XKR9: variants seen among roughly 807,000 people sequenced by gnomAD.
XKR9 encodes XK-related protein 9.
XKR9 carries 32 observed loss-of-function variants against 32.0 expected under a neutral mutation model. That is an observed-to-expected ratio of 1.00 (90% CI 0.76 to 1.34). The LOEUF is 1.34. XKR9 is among the 40% of genes most tolerant of loss of function. XKR9 has a pLI of 0.00. For synonymous variants in XKR9, 168 were observed against 143.4 expected (o/e 1.17, Z -1.22); for missense variants, 546 against 429.7 (o/e 1.27, Z -2.39).
the XKR9 span, among the ~76,000 whole-genome samples, chr8:71,004,998 C>CTT: frequency 2.2e-3 from 105 of 48,218 alleles, 18 homozygotes; most frequent in African/African-American, 6.0e-3. Context: ...TTAATCTATG[C>CTT]TTTTTTTTTT....
the XKR9 span, among the ~76,000 whole-genome samples, chr8:70,812,210 A>G: frequency 1.3e-5 from 2 of 152,224 alleles, no homozygotes; most frequent in Non-Finnish European, 2.9e-5. Context: ...ATCTCAATAG[A>G]TGCAGAAAAG....
chr8:70,894,423 G>A, the XKR9 span, among the ~76,000 whole-genome samples: 1 of 152,066 alleles, frequency 6.6e-6, no homozygotes, highest in Non-Finnish European at 1.5e-5. Flanking sequence ...ACGCCTGTAG[G>A]GTGAGGTGTC....
At chr8:70,857,839 A>T in the XKR9 span, among the ~76,000 whole-genome samples, 1 of 152,228 alleles carries the variant, frequency 6.6e-6, no homozygotes, top group Non-Finnish European at 1.5e-5. Context: ...GTAATCCAGC[A>T]TATAAACAGA....
At chr8:71,048,623 T>C in the XKR9 span, among the ~76,000 whole-genome samples, 4 of 152,260 alleles carry the variant, frequency 2.6e-5, no homozygotes, top group Admixed American at 2.6e-4. Context: ...TGAATTTGTA[T>C]ATGGTTCTGG....
the XKR9 span, among the ~76,000 whole-genome samples, chr8:70,862,907 C>T: frequency 6.6e-6 from 1 of 152,074 alleles, no homozygotes; most frequent in Non-Finnish European, 1.5e-5. Context: ...GAGGCAATGG[C>T]ACTTGAGCTG....
intron 1 of XKR9, among the ~76,000 whole-genome samples, chr8:70,670,251 C>G (rs1276691070): frequency 2.0e-5 from 3 of 151,966 alleles, no homozygotes; most frequent in African/African-American, 7.3e-5. Flanking sequence ...ACCTGCCTGC[C>G]CAGAGAGCTA....
At chr8:70,935,318 A>G in the XKR9 span, among the ~76,000 whole-genome samples, 2 of 151,676 alleles carry the variant, frequency 1.3e-5, no homozygotes, top group South Asian at 2.1e-4. Context: ...TACTATGCAC[A>G]CTTTGTATTG....
the XKR9 span, among the ~76,000 whole-genome samples, chr8:70,986,270 C>A: frequency 5.9e-5 from 9 of 152,192 alleles, no homozygotes; most frequent in Admixed American, 1.3e-4. Context: ...AAAATAGGAG[C>A]ACCAACTTTG....
At chr8:70,975,719 A>G in the XKR9 span, among the ~76,000 whole-genome samples, 37 of 152,308 alleles carry the variant, frequency 2.4e-4, no homozygotes, top group Middle Eastern at 3.4e-3. Flanking sequence ...TGTCTTGGCA[A>G]TGCAGTCTCT....
At chr8:71,032,305 A>AAAAAAAAAAAT in the XKR9 span, among the ~76,000 whole-genome samples, 2 of 140,844 alleles carry the variant, frequency 1.4e-5, no homozygotes, top group Non-Finnish European at 1.5e-5. Flanking sequence ...AAAAAAAAAA[A>AAAAAAAAAAAT]AAACCACTTT....
At chr8:70,858,647 G>T in the XKR9 span, among the ~76,000 whole-genome samples, 32 of 152,100 alleles carry the variant, frequency 2.1e-4, no homozygotes, top group African/African-American at 7.5e-4. Flanking sequence ...CATCACACTG[G>T]TATAAAAACA....
chr8:70,835,752 G>A, the XKR9 span, among the ~76,000 whole-genome samples: 1 of 151,812 alleles, frequency 6.6e-6, no homozygotes, highest in African/African-American at 2.4e-5. Context: ...ACTACCTAAG[G>A]GCATACTGAC....
intron 2 of XKR9, among the ~76,000 whole-genome samples, chr8:70,750,539 T>C (rs1384031428): frequency 6.6e-6 from 1 of 152,194 alleles, no homozygotes; most frequent in Non-Finnish European, 1.5e-5. Context: ...ACATCTTTTT[T>C]AAAAATTGCA....
At chr8:70,865,809 A>C in the XKR9 span, among the ~76,000 whole-genome samples, 1 of 152,208 alleles carries the variant, frequency 6.6e-6, no homozygotes, top group African/African-American at 2.4e-5. Context: ...CACTTTAACC[A>C]ATCTGCTTTA....
At chr8:70,702,074 A>G (rs578063785) in intron 3 of XKR9, among the ~76,000 whole-genome samples, 21 of 152,306 alleles carry the variant, frequency 1.4e-4, no homozygotes, top group African/African-American at 4.1e-4. Flanking sequence ...AGGCCCTTGT[A>G]TGGAGTTAAA....
intron 2 of XKR9, among the ~76,000 whole-genome samples, chr8:70,784,581 A>AT (rs1168051503): frequency 0.02 from 2,936 of 146,392 alleles, 89 homozygotes; most frequent in African/African-American, 0.067. Flanking sequence ...GTTCTGGCAG[A>AT]TTTTTTTTTT....
At chr8:70,757,572 TA>T in intron 2 of XKR9, among the ~76,000 whole-genome samples, 1 of 150,972 alleles carries the variant, frequency 6.6e-6, no homozygotes, top group African/African-American at 2.4e-5. Context: ...TGTATGTATG[TA>T]TGTATGTATG....
At chr8:70,907,240 C>G in the XKR9 span, among the ~76,000 whole-genome samples, 1 of 152,178 alleles carries the variant, frequency 6.6e-6, no homozygotes, top group African/African-American at 2.4e-5. Context: ...TCTGCTCACT[C>G]TCTGTGGACT....
chr8:70,856,824 C>G, the XKR9 span, among the ~76,000 whole-genome samples: 2 of 152,162 alleles, frequency 1.3e-5, no homozygotes, highest in Admixed American at 6.6e-5. Context: ...GAAACTCACT[C>G]AAAGCCGCTC....
Sources: allele counts gnomAD v4.1 joint callset (sites outside exome capture counted in the v4.1 genomes callset), GRCh38; gene constraint gnomAD v4.1.1; transcripts MANE v1.5; gene names NCBI Gene and HGNC (gene_info 2026-07-23, HGNC 2026-07-21).